RHD: variants seen among roughly 807,000 people sequenced by gnomAD.
RHD encodes the protein Rh blood group D antigen.
Under a neutral mutation model 45.5 loss-of-function variants are expected in RHD, and 16 were observed. The ratio of observed to expected loss-of-function variants is 0.35; its 90% CI spans 0.24 to 0.53. The LOEUF is 0.53. Among genes scored for constraint, RHD ranks in the 20% least tolerant of loss-of-function variants. The pLI is 0.92. For synonymous variants in RHD, 131 were observed against 217.5 expected (o/e 0.60, Z 3.50); for missense variants, 306 against 532.0 (o/e 0.58, Z 4.18).
At position 25,301,624 on chromosome 1, in the gene RHD, G is replaced by C; in HGVS notation, c.739G>C (p.Val247Leu). 7.2e-7 allele frequency: 1 copy of C among 1,380,470 alleles called. No individual in the cohort carries two copies. Among genetic ancestry groups the C allele is most frequent in the Admixed American group, 1.8e-5 (1 of 56,522 alleles). The allele number at this position is 1,380,470 out of a possible 1,614,324, so 85.5% of individuals were successfully genotyped here. ...AVFNTYYAVA[V>L]SVVTAISGSS... ...GTTCAACACCTACTATGCTGTAGCA[G>C]TCAGCGTGGTGACAGCCATCTCAGG... Residue 247 changes from valine (V) to leucine (L), a missense_variant, in exon 5 of 10, where the codon GTC (valine) becomes CTC (leucine). Coordinates refer to ENST00000328664, the MANE Select transcript of RHD (RefSeq NM_016124.6).
intron 9 of RHD, among the ~76,000 whole-genome samples, chr1:25,322,621 T>C (rs1644777225): frequency 7.6e-6 from 1 of 130,754 alleles, no homozygotes; most frequent in Non-Finnish European, 1.8e-5. Flanking sequence ...TGCAGTGATC[T>C]GAGATCATGC....
chr1:25,273,959 C>A (rs895233918), intron 1 of RHD, among the ~76,000 whole-genome samples: 1 of 130,774 alleles, frequency 7.6e-6, no homozygotes, highest in African/African-American at 2.6e-5. Context: ...CAGAGAGGAG[C>A]CTTCAGTGAC....
In RHD at chr1:25,300,883, T is replaced by C. The variant is rs548595413; in HGVS notation, c.487-63T>C. ...GAAGCTCTGAACTTTCTCCAAGGAC[T>C]ATCAGGGCTTGCCCCGGGCAGAGGA... On this transcript the variant is annotated intron_variant, in intron 3 of 9. Transcript: ENST00000328664. The C allele has an allele frequency of 1.2e-5, 16 of 1,354,360 alleles. 3 individuals are homozygous for C. Among genetic ancestry groups the C allele is most frequent in the East Asian group, 6.8e-5 (3 of 44,304 alleles). 83.9% of individuals were successfully genotyped at this position (1,354,360 alleles called of 1,614,324 possible).
intron 7 of RHD, among the ~76,000 whole-genome samples, chr1:25,311,837 A>G (rs1374499314): frequency 7.6e-6 from 1 of 131,188 alleles, no homozygotes; most frequent in Non-Finnish European, 1.8e-5. Flanking sequence ...ACATGGCACT[A>G]ATTTTGCAGG....
intron 1 of RHD, among the ~76,000 whole-genome samples, chr1:25,278,533 T>A (rs2124600807): frequency 7.6e-6 from 1 of 131,806 alleles, no homozygotes; most frequent in East Asian, 2.0e-4. Context: ...ATCTGCAGTT[T>A]GGGGTGGGAT....
chr1:25,322,430 T>A lies in RHD; in HGVS notation c.1227+468T>A, dbSNP rs1326549928. Among the ~76,000 whole-genome samples the A allele has an allele frequency of 3.8e-5, 5 of 133,160 alleles. No individual in the cohort carries two copies. The East Asian group carries it at 9.8e-4, about 26-fold the overall frequency. 87.4% of individuals were successfully genotyped at this position (133,160 alleles called of 152,430 possible). A position where few individuals can be genotyped will look rare whatever the true frequency, so the allele number is the denominator to read the frequency against. ...GCTCACGCCTGTGATCCCAGCACTT[T>A]GGGAGGCTGAGGTGGGGCGATCACC... On this transcript the variant is annotated intron_variant, in intron 9 of 9. Transcript: ENST00000328664.
chr1:25,315,000 C>T (rs539216120), intron 7 of RHD, among the ~76,000 whole-genome samples: 1 of 129,460 alleles, frequency 7.7e-6, no homozygotes, highest in Non-Finnish European at 1.8e-5. Context: ...GTCAAGAGAT[C>T]GAGATCATCC....
At chr1:25,314,355 T>C (rs1159073605) in intron 7 of RHD, among the ~76,000 whole-genome samples, 2 of 133,278 alleles carry the variant, frequency 1.5e-5, no homozygotes, top group African/African-American at 5.1e-5. Flanking sequence ...TTTTGGACAG[T>C]TGAATATCTT....
chr1:25,305,583 T>TTTGTTGTTGTTG lies in RHD; in HGVS notation c.940-988_940-977dup, dbSNP rs200713124. ...GGCTAATTTTCGTGTGTGTATGTAT[T>TTTGTTGTTGTTG]TTGTTGTTGTTGTTGTTGTTGTTGT... On this transcript the variant is annotated intron_variant, in intron 6 of 9. Transcript: ENST00000328664. 2.4e-4 allele frequency among the ~76,000 whole-genome samples: 29 copies of TTTGTTGTTGTTG among 118,922 alleles called. 1 individual carries two copies. Among genetic ancestry groups the TTTGTTGTTGTTG allele is most frequent in the African/African-American group, 8.2e-4 (28 of 33,966 alleles). The allele number at this position is 118,922 out of a possible 152,430, so 78.0% of individuals were successfully genotyped here. A position where few individuals can be genotyped will look rare whatever the true frequency, so the allele number is the denominator to read the frequency against.
In RHD at chr1:25,322,442, G is replaced by A. The variant is rs1322807265; in HGVS notation, c.1227+480G>A. On this transcript the variant is annotated intron_variant, in intron 9 of 9. Coordinates refer to ENST00000328664, the MANE Select transcript of RHD (RefSeq NM_016124.6). ...GATCCCAGCACTTTGGGAGGCTGAG[G>A]TGGGGCGATCACCTGAGGCCAGGAG... Among the ~76,000 whole-genome samples, 2 of 133,132 alleles carry A rather than the reference G, an allele frequency of 1.5e-5. 1 individual carries two copies. The highest frequency in any genetic ancestry group is 5.1e-5 in the African/African-American group (2 of 39,076). The allele number at this position is 133,132 out of a possible 152,430, so 87.3% of individuals were successfully genotyped here.
chr1:25,272,700 G>C lies in RHD; in HGVS notation c.148+5G>C. The C allele has an allele frequency of 2.1e-6, 3 of 1,397,626 alleles. 1 individual carries two copies. Among genetic ancestry groups the C allele is most frequent in the East Asian group, 2.2e-5 (1 of 44,680 alleles). The allele number at this position is 1,397,626 out of a possible 1,614,324, so 86.6% of individuals were successfully genotyped here. A position where few individuals can be genotyped will look rare whatever the true frequency, so the allele number is the denominator to read the frequency against. On this transcript the variant is annotated splice_donor_5th_base_variant and intron_variant, in intron 1 of 9. Coordinates refer to ENST00000328664, the MANE Select transcript of RHD (RefSeq NM_016124.6). ...GGCTCGTGGCATCCTATCAAGGTGA[G>C]AGTTCATTGGAAAAGTGGTCACAGG...
At chr1:25,298,502 G>A (rs530530512) in intron 3 of RHD, among the ~76,000 whole-genome samples, 1 of 129,108 alleles carries the variant, frequency 7.7e-6, no homozygotes, top group East Asian at 2.0e-4. Flanking sequence ...AGTCATTTCA[G>A]TGCACCAGCT....
At position 25,294,239 on chromosome 1, in the gene RHD, G is replaced by A. The variant is rs1300115496; in HGVS notation, c.486+3448G>A. 5 of 863,630 alleles carry A rather than the reference G, an allele frequency of 5.8e-6. 1 individual carries two copies. In the South Asian group the frequency reaches 6.7e-5, roughly 12 times the overall value. 53.5% of individuals were successfully genotyped at this position (863,630 alleles called of 1,614,324 possible). On this transcript the variant is annotated intron_variant, in intron 3 of 9. Transcript: ENST00000328664. ...AGTTGAAATAGCAAAGCCCAGCAAA[G>A]GTTAAAGCTGAAAATGCCAAAAGCC...
rs1272393314 is a variant in RHD, at chr1:25,306,629, A to T, written c.973A>T (p.Ser325Cys). Residue 325 changes from serine (S) to cysteine (C), a missense_variant, in exon 7 of 10, where the codon AGC (serine) becomes TGC (cysteine). By Grantham distance (112) the Ser-to-Cys change is moderately radical (BLOSUM62 -1). Transcript: ENST00000328664. ...TAACCGAGTGCTGGGGATTCCCCAC[A>T]GCTCCATCATGGGCTACAACTTCAG... is the stretch of plus-strand genomic sequence containing the variant. ...CCNRVLGIPHSSIMGYNFSLL... is the reference protein window; with the variant it reads ...CCNRVLGIPHCSIMGYNFSLL... 7.3e-7 allele frequency: 1 copy of T among 1,378,428 alleles called. No homozygotes were observed. Among genetic ancestry groups the T allele is most frequent in the African/African-American group, 1.4e-5 (1 of 69,964 alleles). 85.4% of individuals were successfully genotyped at this position (1,378,428 alleles called of 1,614,324 possible). A position where few individuals can be genotyped will look rare whatever the true frequency, so the allele number is the denominator to read the frequency against.
At chr1:25,303,674 G>A (rs1643576234) in intron 6 of RHD, among the ~76,000 whole-genome samples, 2 of 131,860 alleles carry the variant, frequency 1.5e-5, no homozygotes, top group South Asian at 4.6e-4. Context: ...AGCTTGCTTG[G>A]GCATTGGGGA....
chr1:25,272,992 T>C (rs1377506187), intron 1 of RHD, among the ~76,000 whole-genome samples: 1 of 132,558 alleles, frequency 7.5e-6, no homozygotes, highest in Non-Finnish European at 1.8e-5. Flanking sequence ...AATTCTCTGC[T>C]TCTCTGCTTC....
rs1643826297 is a variant in RHD at position 25,306,277 on chromosome 1, T to C, written c.940-319T>C. ...GGGCAGCCCCCACCACAAGGAATTA[T>C]CAGCTGAAATTGTGAACAGTGTCTA... On this transcript the variant is annotated intron_variant, in intron 6 of 9. Transcript: ENST00000328664. Among the ~76,000 whole-genome samples, 2 of 131,752 alleles carry C rather than the reference T, an allele frequency of 1.5e-5. 1 individual carries two copies. Among genetic ancestry groups the C allele is most frequent in the South Asian group, 4.6e-4 (2 of 4,344 alleles). 86.4% of individuals were successfully genotyped at this position (131,752 alleles called of 152,430 possible).
At chr1:25,276,532 T>TAAAAAAAAAAA (rs557746335) in intron 1 of RHD, among the ~76,000 whole-genome samples, 1 of 64,784 alleles carries the variant, frequency 1.5e-5, no homozygotes, top group African/African-American at 7.2e-5. Flanking sequence ...CCCCCATCTC[T>TAAAAAAAAAAA]AAAAAAAAAA....
At chr1:25,272,764 T>G in intron 1 of RHD, 69 bp downstream of exon 1, 1 of 1,356,366 alleles carries the variant, frequency 7.4e-7, no homozygotes, top group East Asian at 2.2e-5. Context: ...GGCCTGTGGT[T>G]CTCCAGGGGC....
Sources: allele counts gnomAD v4.1 joint callset (sites outside exome capture counted in the v4.1 genomes callset), GRCh38; gene constraint gnomAD v4.1.1; transcripts MANE v1.5; gene names NCBI Gene and HGNC (gene_info 2026-07-23, HGNC 2026-07-21).